Variants in CTNNA3 observed in about 807,000 individuals in gnomAD.
The protein encoded by CTNNA3 is catenin alpha-3.
CTNNA3 carries 76 observed loss-of-function variants against 95.7 expected under a neutral mutation model. That is an observed-to-expected ratio of 0.79 (90% CI 0.66 to 0.96). The LOEUF is 0.96. Among genes scored for constraint, CTNNA3 ranks in the 40% least tolerant of loss-of-function variants. CTNNA3 has a pLI of 0.00. For missense variants in CTNNA3, 1,191 were observed against 1,089.8 expected, an observed-to-expected ratio of 1.09 and a Z score of -1.31; for synonymous variants, 431 against 374.4, an observed-to-expected ratio of 1.15 and a Z score of -1.74.
At chr10:67,581,667 C>G (rs896553011) in intron 3 of CTNNA3, among the ~76,000 whole-genome samples, 1 of 152,124 alleles carries the variant, frequency 6.6e-6, no homozygotes, top group Admixed American at 6.6e-5. Context: ...TGGTAGAATT[C>G]GGCTGTGAAT....
At chr10:67,087,135 C>T (rs892613510) in intron 7 of CTNNA3, among the ~76,000 whole-genome samples, 3 of 152,018 alleles carry the variant, frequency 2.0e-5, no homozygotes, top group Admixed American at 6.6e-5. Flanking sequence ...AGGCACTGGG[C>T]TGTGCAGAAA....
chr10:67,024,765 T>C (rs1266951583), intron 7 of CTNNA3, among the ~76,000 whole-genome samples: 7 of 152,200 alleles, frequency 4.6e-5, no homozygotes, highest in Admixed American at 2.6e-4. Context: ...CTTTGGCATG[T>C]CATTGATGTT....
At chr10:66,950,763 T>C (rs532868804) in intron 7 of CTNNA3, among the ~76,000 whole-genome samples, 1 of 152,184 alleles carries the variant, frequency 6.6e-6, no homozygotes, top group Admixed American at 6.5e-5. Context: ...ATTTAATCCT[T>C]ACAAAAACAA....
intron 7 of CTNNA3, among the ~76,000 whole-genome samples, chr10:67,024,221 A>G (rs1853207190): frequency 6.6e-6 from 1 of 152,160 alleles, no homozygotes; most frequent in African/African-American, 2.4e-5. Flanking sequence ...AAAGCCAGCA[A>G]TGTGGCATCT....
intron 5 of CTNNA3, among the ~76,000 whole-genome samples, chr10:67,271,837 T>C (rs1838990851): frequency 1.3e-5 from 2 of 152,294 alleles, no homozygotes; most frequent in South Asian, 4.1e-4. Context: ...GTAAGAGTCA[T>C]GCAGATAACT....
intron 1 of CTNNA3, among the ~76,000 whole-genome samples, chr10:67,666,700 G>A (rs1296990551): frequency 2.6e-5 from 4 of 152,088 alleles, no homozygotes; most frequent in African/African-American, 7.2e-5. Flanking sequence ...CTTCAGCTAG[G>A]AACTGGGACA....
intron 5 of CTNNA3, among the ~76,000 whole-genome samples, chr10:67,421,276 T>C (rs571057769): frequency 2.0e-5 from 3 of 152,364 alleles, no homozygotes; most frequent in East Asian, 1.9e-4. Flanking sequence ...CTGTATAAAA[T>C]AGAAAATATC....
At chr10:66,371,644 C>T (rs942161728) in intron 12 of CTNNA3, among the ~76,000 whole-genome samples, 1 of 152,104 alleles carries the variant, frequency 6.6e-6, no homozygotes, top group African/African-American at 2.4e-5. Flanking sequence ...TTTGCTTCCT[C>T]GTTGATAATC....
In CTNNA3 at chr10:67,001,843, T is replaced by C. The variant is rs75970868; in HGVS notation, c.1047+178474A>G. Among the ~76,000 whole-genome samples the C allele has an allele frequency of 1.4e-4, 22 of 152,300 alleles. No individual in the cohort carries two copies. In the East Asian group the frequency reaches 4.1e-3, roughly 28 times the overall value. On this transcript the variant is annotated intron_variant, in intron 7 of 17. Transcript: ENST00000433211. The stretch of plus-strand genomic sequence containing the variant: ...TTCTACTGACTGTATCTCTTCCTTT[T>C]CTTTCTGTTTAGCCTTGTCATCATT...
Position 66,061,859 on chromosome 10 carries a change from C to G in CTNNA3, c.2159+7449G>C, listed in dbSNP as rs114055141. ...AACTCTCTCTCTTCCAAAATCCTAA[C>G]AGATTGAACATTTAACAGTTTAACA... On this transcript the variant is annotated intron_variant, in intron 15 of 17. Coordinates refer to ENST00000433211, the MANE Select transcript of CTNNA3 (RefSeq NM_013266.4). Among the ~76,000 whole-genome samples the G allele has an allele frequency of 8.3e-3, 1,268 of 152,224 alleles. 13 individuals are homozygous for G. Among genetic ancestry groups the G allele is most frequent in the African/African-American group, 0.029 (1,202 of 41,562 alleles).
At chr10:66,268,278 T>C (rs2132122108) in intron 13 of CTNNA3, among the ~76,000 whole-genome samples, 1 of 152,270 alleles carries the variant, frequency 6.6e-6, no homozygotes, top group Admixed American at 6.5e-5. Context: ...CGGGAGGCTT[T>C]TAACTTGCTT....
chr10:65,993,843 C>A (rs1028415974), intron 15 of CTNNA3, among the ~76,000 whole-genome samples: 2 of 152,194 alleles, frequency 1.3e-5, no homozygotes, highest in Admixed American at 6.5e-5. Flanking sequence ...TCAGCCTATT[C>A]TCCTGCCTCA....
intron 5 of CTNNA3, among the ~76,000 whole-genome samples, chr10:67,274,365 G>C (rs753400576): frequency 6.6e-6 from 1 of 152,082 alleles, no homozygotes; most frequent in Non-Finnish European, 1.5e-5. Context: ...AAGGGTCATT[G>C]GATAAAGACA....
intron 7 of CTNNA3, among the ~76,000 whole-genome samples, chr10:67,114,619 T>A (rs1484735052): frequency 6.6e-6 from 1 of 152,122 alleles, no homozygotes; most frequent in Non-Finnish European, 1.5e-5. Context: ...TAAGAAATTT[T>A]AATCCAGTAG....
chr10:67,550,986 A>G (rs1841008755), intron 3 of CTNNA3, among the ~76,000 whole-genome samples: 1 of 152,088 alleles, frequency 6.6e-6, no homozygotes, highest in African/African-American at 2.4e-5. Flanking sequence ...AGCTGGGTAG[A>G]GGAGGGTGTG....
chr10:66,976,781 C>A (rs551367607), intron 7 of CTNNA3, among the ~76,000 whole-genome samples: 1 of 152,234 alleles, frequency 6.6e-6, no homozygotes, highest in African/African-American at 2.4e-5. Context: ...CTTTAAATTT[C>A]ATGTAAATGA....
intron 5 of CTNNA3, among the ~76,000 whole-genome samples, chr10:67,390,857 C>G (rs372963996): frequency 0.022 from 3,240 of 144,566 alleles, 54 homozygotes; most frequent in Non-Finnish European, 0.034. Flanking sequence ...ATTCAACAAC[C>G]CTTCATGCTA....
chr10:66,034,668 T>C (rs1401913612), intron 15 of CTNNA3, among the ~76,000 whole-genome samples: 2 of 152,222 alleles, frequency 1.3e-5, no homozygotes, highest in African/African-American at 4.8e-5. Context: ...GCACTGTGAG[T>C]ATTCCAGAGA....
chr10:67,327,752 T>G (rs139519130), intron 5 of CTNNA3, among the ~76,000 whole-genome samples: 5 of 152,168 alleles, frequency 3.3e-5, no homozygotes, highest in Non-Finnish European at 5.9e-5. Context: ...TGTGGCATAG[T>G]GGGTGGCAGG....
Sources: gnomAD v4.1 joint callset for allele counts (sites outside exome capture counted in the v4.1 genomes callset) on GRCh38, gnomAD v4.1.1 for gene constraint, MANE v1.5 for transcripts, NCBI Gene and HGNC (gene_info 2026-07-23, HGNC 2026-07-21) for gene names.